MMS22L: variants seen among roughly 807,000 people sequenced by gnomAD.
MMS22L encodes protein MMS22-like.
Under a neutral mutation model 159.1 loss-of-function variants are expected in MMS22L, and 74 were observed. The ratio of observed to expected loss-of-function variants is 0.47; its 90% CI spans 0.39 to 0.56. The LOEUF (loss-of-function observed/expected upper bound fraction) is 0.56, where lower values mean the gene tolerates loss of function less well. MMS22L is among the 20% of genes least tolerant of loss of function. MMS22L has a pLI of 0.00. For synonymous variants in MMS22L, 517 were observed against 506.9 expected (o/e 1.02, Z -0.27); for missense variants, 1,351 against 1,422.1 (o/e 0.95, Z 0.80).
chr6:97,262,544 C>T (rs11961133), intron 9 of MMS22L, among the ~76,000 whole-genome samples: 2 of 150,890 alleles, frequency 1.3e-5, no homozygotes, highest in East Asian at 2.0e-4. Flanking sequence ...ACTCAGGATG[C>T]TAAGGCACGA....
chr6:97,234,616 GACA>G (rs1424639597), intron 11 of MMS22L, among the ~76,000 whole-genome samples: 3 of 152,090 alleles, frequency 2.0e-5, no homozygotes, highest in Non-Finnish European at 4.4e-5. Flanking sequence ...CTAGGCATAG[GACA>G]ACAAGTAAGT....
chr6:97,187,177 A>G (rs1805338055), intron 14 of MMS22L, among the ~76,000 whole-genome samples: 1 of 152,214 alleles, frequency 6.6e-6, no homozygotes, highest in South Asian at 2.1e-4. Flanking sequence ...AAACTATGCT[A>G]GATACAATCT....
At chr6:97,221,923 A>G (rs879032770) in intron 14 of MMS22L, among the ~76,000 whole-genome samples, 5 of 152,150 alleles carry the variant, frequency 3.3e-5, no homozygotes, top group Non-Finnish European at 5.9e-5. Flanking sequence ...TAAACTGTCA[A>G]TAATTAAAAG....
intron 14 of MMS22L, among the ~76,000 whole-genome samples, chr6:97,214,692 T>G (rs1215927021): frequency 8.0e-5 from 12 of 150,188 alleles, no homozygotes; most frequent in South Asian, 6.3e-4. Flanking sequence ...TTTGTTTTTT[T>G]TTTTTTTTCA....
intron 22 of MMS22L, 151 bp downstream of exon 22, chr6:97,161,851 G>T: frequency 1.3e-6 from 1 of 748,410 alleles, no homozygotes. Context: ...AATCTGAGCT[G>T]CTAGCTGGAG....
intron 10 of MMS22L, chr6:97,254,000 T>C (rs1254778621): frequency 6.6e-6 from 1 of 152,246 alleles, no homozygotes; most frequent in African/African-American, 2.4e-5. Flanking sequence ...ATTCATAGGG[T>C]TTTTAAGTAA....
At chr6:97,181,691 A>C (rs1366785283) in intron 16 of MMS22L, among the ~76,000 whole-genome samples, 1 of 152,092 alleles carries the variant, frequency 6.6e-6, no homozygotes, top group African/African-American at 2.4e-5. Flanking sequence ...CTTAACAAAC[A>C]ACTTTTTTTT....
intron 21 of MMS22L, among the ~76,000 whole-genome samples, chr6:97,163,032 T>C (rs551087907): frequency 6.6e-6 from 1 of 152,112 alleles, no homozygotes; most frequent in South Asian, 2.1e-4. Context: ...ACAGGAACTA[T>C]GTCTTAGTAA....
At chr6:97,165,589 G>T in intron 20 of MMS22L, 132 bp from the exon 21 acceptor site, 1 of 732,588 alleles carries the variant, frequency 1.4e-6, no homozygotes, top group East Asian at 2.7e-5. Context: ...GATACCTCAC[G>T]TAATCCACAG....
chr6:97,249,468 T>C (rs1813009849), intron 10 of MMS22L, among the ~76,000 whole-genome samples: 1 of 152,180 alleles, frequency 6.6e-6, no homozygotes, highest in South Asian at 2.1e-4. Context: ...AAGACAGTTT[T>C]AGGGACTGTC....
chr6:97,272,832 C>T lies in MMS22L; in HGVS notation c.478G>A (p.Glu160Lys). The T allele has an allele frequency of 6.2e-7, 1 of 1,614,012 alleles. No homozygotes were observed. Among genetic ancestry groups the T allele is most frequent in the Non-Finnish European group, 8.5e-7 (1 of 1,179,964 alleles). The change falls in exon 6 of 25, where the codon GAG becomes AAG. Residue 160 changes from glutamate to lysine, a missense_variant. By Grantham distance (56) the Glu-to-Lys change is moderately conservative. Transcript: ENST00000683635. ...GAGGGAAGCTGAGCCTCCAAAGCCT[C>T]ATAAGGATGGACAGGAACATGACTC... ...AESHVPVHPY[E>K]ALEAQLPSVL...
At chr6:97,197,611 T>C (rs886459302) in intron 14 of MMS22L, among the ~76,000 whole-genome samples, 12 of 152,172 alleles carry the variant, frequency 7.9e-5, no homozygotes, top group African/African-American at 1.2e-4. Context: ...CAAATGTAAA[T>C]GGATAGGGTA....
In MMS22L at chr6:97,163,508, A is replaced by G. The variant is rs181041935; in HGVS notation, c.3222-1343T>C. 4.6e-5 allele frequency among the ~76,000 whole-genome samples: 7 copies of G among 152,222 alleles called. No individual in the cohort carries two copies. The East Asian group carries it at 1.4e-3, about 29-fold the overall frequency. ...TTTCACTGTGTGTTAAGTAAATAGG[A>G]AAGTCAACTAATTCTGGGATCCTAA... On this transcript the variant is annotated intron_variant, in intron 21 of 24. Coordinates refer to ENST00000683635, the MANE Select transcript of MMS22L (RefSeq NM_001350599.2).
chr6:97,241,025 T>C (rs116187968), intron 11 of MMS22L, among the ~76,000 whole-genome samples: 3,017 of 152,326 alleles, frequency 0.02, 102 homozygotes, highest in African/African-American at 0.069. Flanking sequence ...TGTGTCCTCA[T>C]AGCTTACCTC....
In MMS22L at chr6:97,158,616, C is replaced by T. The variant is rs887349463; in HGVS notation, c.3385+3386G>A. 7.9e-5 allele frequency among the ~76,000 whole-genome samples: 12 copies of T among 152,188 alleles called. No individual in the cohort carries two copies. The South Asian group carries it at 8.3e-4, about 11-fold the overall frequency. On this transcript the variant is annotated intron_variant, in intron 22 of 24. Coordinates refer to ENST00000683635, the MANE Select transcript of MMS22L (RefSeq NM_001350599.2). ...CTTGTTCAGTTTCCATGTAGTTGTG[C>T]GGTTTTGAGTGAGTTTCTTAATCCT...
intron 10 of MMS22L, among the ~76,000 whole-genome samples, chr6:97,249,928 A>T (rs1477009009): frequency 1.3e-5 from 2 of 152,120 alleles, no homozygotes; most frequent in African/African-American, 4.8e-5. Context: ...AAGCATTTGA[A>T]TCACAAGAAT....
At chr6:97,281,428 C>T (rs1816748531) in intron 2 of MMS22L, 66 bp from the exon 3 acceptor site, 2 of 1,325,272 alleles carry the variant, frequency 1.5e-6, no homozygotes, top group Admixed American at 2.3e-5. Context: ...CGGCTCTTTT[C>T]TTTACATTAT....
Position 97,255,142 on chromosome 6 carries a change from T to A in MMS22L, c.943-409A>T, listed in dbSNP as rs532548065. Among the ~76,000 whole-genome samples, 90 of 152,272 alleles carry A rather than the reference T, an allele frequency of 5.9e-4. 1 individual carries two copies. The highest frequency in any genetic ancestry group is 1.7e-3 in the South Asian group (8 of 4,828). On this transcript the variant is annotated intron_variant, in intron 9 of 24. Transcript: ENST00000683635. The stretch of plus-strand genomic sequence containing the variant: ...TCTTTGGTCAATGCTGCGTTTCTGA[T>A]GAACTCATCTATATTAATGAAAACT...
chr6:97,178,081 G>C (rs1300475615), intron 18 of MMS22L, among the ~76,000 whole-genome samples: 1 of 152,158 alleles, frequency 6.6e-6, no homozygotes, highest in Non-Finnish European at 1.5e-5. Context: ...AAACACTAAG[G>C]TGGGAGTATC....
Sources: gnomAD v4.1 joint callset for allele counts (sites outside exome capture counted in the v4.1 genomes callset) on GRCh38, gnomAD v4.1.1 for gene constraint, MANE v1.5 for transcripts, NCBI Gene and HGNC (gene_info 2026-07-23, HGNC 2026-07-21) for gene names.